DLGAP2: variants seen among roughly 807,000 people sequenced by gnomAD.
DLGAP2 encodes the protein DLG associated protein 2.
DLGAP2 carries 26 observed loss-of-function variants against 100.3 expected under a neutral mutation model. The ratio of observed to expected loss-of-function variants is 0.26; its 90% CI spans 0.19 to 0.36. The LOEUF is 0.36. Ranked by LOEUF, DLGAP2 falls within the 10% of genes least tolerant of loss-of-function variation. DLGAP2 has a pLI of 1.00. For synonymous variants in DLGAP2, 886 were observed against 630.1 expected, an observed-to-expected ratio of 1.41 and a Z score of -6.08; for missense variants, 1,858 against 1,453.2, an observed-to-expected ratio of 1.28 and a Z score of -4.53.
chr8:1,415,695 C>G (rs889799648), intron 3 of DLGAP2, among the ~76,000 whole-genome samples: 3 of 152,232 alleles, frequency 2.0e-5, no homozygotes, highest in Non-Finnish European at 4.4e-5. Flanking sequence ...AGCACTGTCT[C>G]TTTATCTCAT....
intron 2 of DLGAP2, among the ~76,000 whole-genome samples, chr8:1,087,816 C>G (rs761759149): frequency 2.6e-5 from 4 of 152,192 alleles, no homozygotes; most frequent in Non-Finnish European, 5.9e-5. Context: ...CCTGCTCCCT[C>G]TGTCCTTTCT....
intron 2 of DLGAP2, among the ~76,000 whole-genome samples, chr8:1,080,937 A>C (rs1563181389): frequency 6.6e-6 from 1 of 152,198 alleles, no homozygotes; most frequent in Non-Finnish European, 1.5e-5. Flanking sequence ...TATTTTTGAA[A>C]ATGGAGAAGC....
intron 1 of DLGAP2, among the ~76,000 whole-genome samples, chr8:802,731 C>T (rs1796196175): frequency 6.6e-6 from 1 of 152,124 alleles, no homozygotes; most frequent in South Asian, 2.1e-4. Context: ...TTTCTGTAGG[C>T]CGTGGTCTCT....
intron 2 of DLGAP2, among the ~76,000 whole-genome samples, chr8:1,227,175 G>GATA (rs1491434618): frequency 1.6e-5 from 1 of 62,950 alleles, no homozygotes; most frequent in African/African-American, 1.1e-4. Flanking sequence ...TATATATATA[G>GATA]TATAGATATA....
intron 8 of DLGAP2, among the ~76,000 whole-genome samples, chr8:1,650,086 C>T (rs1798128399): frequency 6.6e-6 from 1 of 152,214 alleles, no homozygotes; most frequent in Non-Finnish European, 1.5e-5. Flanking sequence ...GGATATGCTC[C>T]TACTCTCTTT....
chr8:1,629,087 C>T (rs1198994434), intron 7 of DLGAP2, among the ~76,000 whole-genome samples: 1 of 152,182 alleles, frequency 6.6e-6, no homozygotes, highest in Non-Finnish European at 1.5e-5. Context: ...GGTAGCTTGC[C>T]TGGGGCTCAG....
intron 6 of DLGAP2, among the ~76,000 whole-genome samples, chr8:1,570,575 G>A (rs1311645734): frequency 6.6e-6 from 1 of 152,230 alleles, no homozygotes; most frequent in Non-Finnish European, 1.5e-5. Flanking sequence ...CACAGTGTAG[G>A]TGCAGACGCT....
At chr8:1,256,063 CTGGGTG>C (rs1799203295) in intron 2 of DLGAP2, among the ~76,000 whole-genome samples, 1 of 117,582 alleles carries the variant, frequency 8.5e-6, no homozygotes, top group African/African-American at 3.4e-5. Flanking sequence ...CTCATCCTGC[CTGGGTG>C]CTATGTGTGT....
chr8:1,020,268 G>A (rs1563148109), intron 2 of DLGAP2, among the ~76,000 whole-genome samples: 4 of 152,166 alleles, frequency 2.6e-5, no homozygotes, highest in Admixed American at 6.5e-5. Context: ...ACCCTGAAGC[G>A]TATTAGAAAG....
intron 2 of DLGAP2, among the ~76,000 whole-genome samples, chr8:1,254,613 T>C (rs993442330): frequency 6.6e-6 from 1 of 152,138 alleles, no homozygotes; most frequent in African/African-American, 2.4e-5. Flanking sequence ...CATTCCAAAA[T>C]AGGGTTTCAG....
intron 2 of DLGAP2, among the ~76,000 whole-genome samples, chr8:1,031,964 A>C (rs1217614449): frequency 6.6e-6 from 1 of 152,184 alleles, no homozygotes; most frequent in African/African-American, 2.4e-5. Context: ...TAGGGTTTGC[A>C]TTCTAGCGAA....
chr8:1,509,853 C>T (rs761620642), intron 4 of DLGAP2, among the ~76,000 whole-genome samples: 2 of 152,162 alleles, frequency 1.3e-5, no homozygotes, highest in African/African-American at 2.4e-5. Context: ...ATTGCTCATA[C>T]GCTGTGACCA....
chr8:1,075,484 C>T (rs929218774), intron 2 of DLGAP2, among the ~76,000 whole-genome samples: 1 of 152,258 alleles, frequency 6.6e-6, no homozygotes, highest in East Asian at 1.9e-4. Context: ...ATTTTTCCCT[C>T]TACTGTCCTC....
intron 2 of DLGAP2, among the ~76,000 whole-genome samples, chr8:1,251,724 G>A (rs186629761): frequency 2.6e-5 from 4 of 152,352 alleles, no homozygotes. Flanking sequence ...CAGCCATGTG[G>A]CCACGTTGTC....
chr8:969,589 A>T (rs1799965070), intron 2 of DLGAP2, among the ~76,000 whole-genome samples: 1 of 152,094 alleles, frequency 6.6e-6, no homozygotes, highest in South Asian at 2.1e-4. Flanking sequence ...ACCAACAAAG[A>T]TAATACATAT....
chr8:1,359,174 G>A (rs1377043206), intron 3 of DLGAP2, among the ~76,000 whole-genome samples: 1 of 152,180 alleles, frequency 6.6e-6, no homozygotes, highest in East Asian at 1.9e-4. Flanking sequence ...ATAGAAAGGA[G>A]GGCCCAGGAC....
At chr8:1,473,353 T>G (rs1798851544) in intron 3 of DLGAP2, among the ~76,000 whole-genome samples, 1 of 152,126 alleles carries the variant, frequency 6.6e-6, no homozygotes. Flanking sequence ...CACTCAGGGA[T>G]GAGAGGAACG....
chr8:1,588,640 G>A (rs906997251), intron 6 of DLGAP2, among the ~76,000 whole-genome samples: 2 of 150,452 alleles, frequency 1.3e-5, no homozygotes, highest in Admixed American at 1.3e-4. Context: ...TGTGGCTCAG[G>A]CCTGTAATCC....
intron 7 of DLGAP2, among the ~76,000 whole-genome samples, chr8:1,630,678 G>A (rs553446692): frequency 6.6e-6 from 1 of 151,812 alleles, no homozygotes; most frequent in Non-Finnish European, 1.5e-5. Context: ...CTCCAGCCTG[G>A]GCGACAGAGC....
Sources: gnomAD v4.1 joint callset for allele counts (sites outside exome capture counted in the v4.1 genomes callset) on GRCh38, gnomAD v4.1.1 for gene constraint, MANE v1.5 for transcripts, NCBI Gene and HGNC (gene_info 2026-07-23, HGNC 2026-07-21) for gene names.